Variants in BAZ2B observed in about 807,000 individuals in gnomAD.
BAZ2B encodes bromodomain adjacent to zinc finger domain protein 2B.
A neutral mutation model predicts 246.0 loss-of-function variants in BAZ2B; 91 were observed. The observed-to-expected ratio is 0.37, with a 90% confidence interval of 0.31 to 0.44. BAZ2B has a LOEUF of 0.44. Among genes scored for constraint, BAZ2B ranks in the 20% least tolerant of loss-of-function variants. The pLI is 1.00. For synonymous variants in BAZ2B, 855 were observed against 860.0 expected, an observed-to-expected ratio of 0.99 and a Z score of 0.10; for missense variants, 2,332 against 2,533.7, an observed-to-expected ratio of 0.92 and a Z score of 1.71.
the BAZ2B span, among the ~76,000 whole-genome samples, chr2:159,678,002 A>C: frequency 6.6e-6 from 1 of 152,202 alleles, no homozygotes; most frequent in Non-Finnish European, 1.5e-5. Context: ...AACACAAACC[A>C]AAACTTTACA....
At chr2:159,675,081 C>CAGA in the BAZ2B span, among the ~76,000 whole-genome samples, 77 of 152,214 alleles carry the variant, frequency 5.1e-4, no homozygotes, top group Admixed American at 2.4e-3. Flanking sequence ...GAGGACAAGA[C>CAGA]AGAATCCTCT....
intron 1 of BAZ2B, among the ~76,000 whole-genome samples, chr2:159,584,670 T>C (rs1161773150): frequency 1.3e-5 from 2 of 152,156 alleles, no homozygotes; most frequent in African/African-American, 4.8e-5. Flanking sequence ...GTCAAGAATG[T>C]AGACAAGAAA....
the BAZ2B span, among the ~76,000 whole-genome samples, chr2:159,663,101 T>C: frequency 6.6e-6 from 1 of 152,188 alleles, no homozygotes; most frequent in Non-Finnish European, 1.5e-5. Flanking sequence ...TCCCATTCTG[T>C]TGGTGGTCTT....
intron 2 of BAZ2B, among the ~76,000 whole-genome samples, chr2:159,521,173 A>G (rs2084086422): frequency 6.6e-6 from 1 of 152,072 alleles, no homozygotes; most frequent in African/African-American, 2.4e-5. Flanking sequence ...ATCAACTTAA[A>G]TCAATCAAGA....
chr2:159,499,127 A>G (rs533607317), intron 2 of BAZ2B, among the ~76,000 whole-genome samples: 2 of 152,194 alleles, frequency 1.3e-5, no homozygotes, highest in South Asian at 4.1e-4. Context: ...TCACCTAGGT[A>G]TTAAGCCCAA....
chr2:159,315,993 A>G (rs2062074757), downstream of BAZ2B, among the ~76,000 whole-genome samples: 1 of 152,226 alleles, frequency 6.6e-6, no homozygotes, highest in South Asian at 2.1e-4. Context: ...TTTAAAAACA[A>G]TAAGATTTAT....
At chr2:159,707,637 A>G in the BAZ2B span, among the ~76,000 whole-genome samples, 1 of 152,008 alleles carries the variant, frequency 6.6e-6, no homozygotes, top group South Asian at 2.1e-4. Context: ...ACCGGCCTGA[A>G]TAACATGATA....
chr2:159,348,163 A>G (rs991411631), intron 30 of BAZ2B, among the ~76,000 whole-genome samples: 5 of 151,372 alleles, frequency 3.3e-5, no homozygotes, highest in Non-Finnish European at 5.9e-5. Flanking sequence ...TACAAAAAAT[A>G]AAAAAAACTA....
the BAZ2B span, among the ~76,000 whole-genome samples, chr2:159,669,634 A>G: frequency 6.6e-6 from 1 of 152,160 alleles, no homozygotes; most frequent in Non-Finnish European, 1.5e-5. Flanking sequence ...TCGTTATGAA[A>G]TATCACTCTT....
intron 3 of BAZ2B, among the ~76,000 whole-genome samples, chr2:159,466,582 G>A (rs2077077072): frequency 6.6e-6 from 1 of 152,162 alleles, no homozygotes; most frequent in Admixed American, 6.5e-5. Context: ...ACTATAATTA[G>A]AGGTCTAATT....
chr2:159,555,118 G>A (rs928726702), intron 2 of BAZ2B, among the ~76,000 whole-genome samples: 3 of 146,746 alleles, frequency 2.0e-5, no homozygotes, highest in Non-Finnish European at 4.5e-5. Context: ...TTTAGAGATG[G>A]AGTCTCTCTA....
Position 159,326,310 on chromosome 2 carries a change from T to C in BAZ2B, c.5944-392A>G, listed in dbSNP as rs929714575. On this transcript the variant is annotated intron_variant, in intron 34 of 36. Coordinates refer to ENST00000392783, the MANE Select transcript of BAZ2B (RefSeq NM_013450.4). ...AATATAAATGAAAATATAGAGATTGTTAATAAGAAAGTTGAAGAGGTAATA... is the reference window on the plus strand; with the variant it reads ...AATATAAATGAAAATATAGAGATTGCTAATAAGAAAGTTGAAGAGGTAATA... 2.0e-5 allele frequency among the ~76,000 whole-genome samples: 3 copies of C among 152,008 alleles called. No homozygotes were observed. In the South Asian group the frequency reaches 6.2e-4, roughly 32 times the overall value.
At position 159,350,023 on chromosome 2, in the gene BAZ2B, C is replaced by G. The variant is rs148153390; in HGVS notation, c.4548G>C (p.Thr1516=). Residue 1516 remains threonine (T), a synonymous_variant, in exon 28 of 37, where the codon ACG becomes ACC. Coordinates refer to ENST00000392783, the MANE Select transcript of BAZ2B (RefSeq NM_013450.4). The part of the protein sequence containing the change: ...HSLGSVQSTA[T]QSNVEKADSN... ...AGTCTGCCTTTTCCACATTGCTTTG[C>G]GTTGCTGTTGACTGAACGCTGCCCA... 6.2e-7 allele frequency: 1 copy of G among 1,614,042 alleles called. No homozygotes were observed. The highest frequency in any genetic ancestry group is 1.3e-5 in the African/African-American group (1 of 74,928).
At chr2:159,618,979 C>CAATGGTT (rs1696321230), upstream of BAZ2B, among the ~76,000 whole-genome samples, 1 of 151,750 alleles carries the variant, frequency 6.6e-6, no homozygotes, top group Non-Finnish European at 1.5e-5. Flanking sequence ...GTTTCCCAAA[C>CAATGGTT]AATGGTTTCA....
the BAZ2B span, among the ~76,000 whole-genome samples, chr2:159,671,377 A>G: frequency 5.3e-5 from 8 of 152,216 alleles, no homozygotes; most frequent in African/African-American, 1.9e-4. Context: ...TAAGACAGAA[A>G]ATAATTGGTA....
At chr2:159,478,753 T>A in intron 2 of BAZ2B, 32 bp from the exon 3 acceptor site, 1 of 1,403,796 alleles carries the variant, frequency 7.1e-7, no homozygotes, top group Non-Finnish European at 9.3e-7. Context: ...ATTCTCAGTA[T>A]CAGATAAAAA....
At chr2:159,613,644 G>GT (rs1166626426) in intron 1 of BAZ2B, among the ~76,000 whole-genome samples, 1 of 152,112 alleles carries the variant, frequency 6.6e-6, no homozygotes, top group Non-Finnish European at 1.5e-5. Context: ...TACAATAGGT[G>GT]TGAGACATCA....
chr2:159,598,201 C>A (rs1351399630), intron 1 of BAZ2B, among the ~76,000 whole-genome samples: 1 of 151,986 alleles, frequency 6.6e-6, no homozygotes, highest in African/African-American at 2.4e-5. Context: ...ACCATATTGG[C>A]CAGGCTGGTC....
intron 27 of BAZ2B, among the ~76,000 whole-genome samples, chr2:159,367,989 C>T (rs1300758729): frequency 6.6e-6 from 1 of 152,182 alleles, no homozygotes; most frequent in Admixed American, 6.5e-5. Context: ...ACTAGTTTGA[C>T]ACTTACTGAT....
Sources: gnomAD v4.1 joint callset for allele counts (sites outside exome capture counted in the v4.1 genomes callset) on GRCh38, gnomAD v4.1.1 for gene constraint, MANE v1.5 for transcripts, NCBI Gene and HGNC (gene_info 2026-07-23, HGNC 2026-07-21) for gene names.